The following MTG1 variants were observed in gnomAD, a reference collection of about 807,000 sequenced individuals.
MTG1 encodes the protein mitochondrial ribosome-associated GTPase 1.
In MTG1, 30 loss-of-function variants were observed where a neutral mutation model predicts 39.5. The ratio of observed to expected loss-of-function variants is 0.76; its 90% CI spans 0.57 to 1.03. The LOEUF (loss-of-function observed/expected upper bound fraction) is 1.03, where lower values mean the gene tolerates loss of function less well. Ranked by LOEUF, MTG1 falls within the 50% of genes least tolerant of loss-of-function variation. The probability of loss-of-function intolerance (pLI) is 0.00; values close to 1 mark genes in which losing one functional copy is unlikely to be tolerated. For missense variants in MTG1, 513 were observed against 447.4 expected, an observed-to-expected ratio of 1.15 and a Z score of -1.32; for synonymous variants, 217 against 179.0, an observed-to-expected ratio of 1.21 and a Z score of -1.69.
chr10:133,417,956 A>G (rs1299939167), intron 9 of MTG1, among the ~76,000 whole-genome samples: 16 of 152,204 alleles, frequency 1.1e-4, no homozygotes, highest in Admixed American at 8.5e-4. Flanking sequence ...TGCCCAAGGT[A>G]ATTTATAGAT....
At chr10:133,400,396 T>G (rs1849858389) in intron 6 of MTG1, among the ~76,000 whole-genome samples, 1 of 152,188 alleles carries the variant, frequency 6.6e-6, no homozygotes, top group South Asian at 2.1e-4. Context: ...AGACTCTGAT[T>G]CAAAGCAGGA....
Position 133,399,229 on chromosome 10 carries a change from T to C in MTG1, c.420+3T>C. On this transcript the variant is annotated splice_donor_region_variant and intron_variant, in intron 5 of 10. Coordinates refer to ENST00000317502, the MANE Select transcript of MTG1 (RefSeq NM_138384.4). Reference sequence around the variant, plus strand: ...GCCACCGCTACCACCGAAAAGAGGTTGGTTGGTGGGGCCCAGAGCTGGGAG... The same window carrying C: ...GCCACCGCTACCACCGAAAAGAGGTCGGTTGGTGGGGCCCAGAGCTGGGAG... 6.2e-7 allele frequency: 1 copy of C among 1,613,514 alleles called. No homozygotes were observed. The highest frequency in any genetic ancestry group is 8.5e-7 in the Non-Finnish European group (1 of 1,179,816).
At chr10:133,403,394 T>C (rs183063756) in intron 9 of MTG1, among the ~76,000 whole-genome samples, 737 of 96,044 alleles carry the variant, frequency 7.7e-3, no homozygotes, top group Middle Eastern at 0.074. Context: ...ATCAAGGAAA[T>C]GAGCGTTCCC....
rs1255716418 is a variant in MTG1, at chr10:133,421,601, C to T, written c.*1436C>T. ...GAAGGGGTGGAGGAGCGTCTGGGCT[C>T]ACTGGGCCAGGGGCATTGCTGGCAG... On this transcript the variant is annotated 3_prime_UTR_variant, in exon 11 of 11. Transcript: ENST00000317502. The T allele has an allele frequency of 6.5e-6, 1 of 153,714 alleles. No individual in the cohort carries two copies. Among genetic ancestry groups the T allele is most frequent in the East Asian group, 1.9e-4 (1 of 5,218 alleles). The allele number at this position is 153,714 out of a possible 1,614,324, so 9.5% of individuals were successfully genotyped here.
At chr10:133,404,570 T>G (rs1275883539) in intron 9 of MTG1, among the ~76,000 whole-genome samples, 6 of 152,200 alleles carry the variant, frequency 3.9e-5, no homozygotes, top group African/African-American at 1.4e-4. Context: ...TGCAGTCCAG[T>G]TTATCAGCTA....
At chr10:133,401,497 C>A in intron 6 of MTG1, 32 bp from the exon 7 acceptor site, 2 of 1,535,022 alleles carry the variant, frequency 1.3e-6, no homozygotes, top group Middle Eastern at 1.8e-4. Context: ...GTTTAGTATA[C>A]ATTTGAGCCT....
intron 9 of MTG1, among the ~76,000 whole-genome samples, chr10:133,413,623 T>C (rs1024412982): frequency 2.0e-5 from 3 of 152,220 alleles, no homozygotes; most frequent in African/African-American, 7.2e-5. Context: ...ACGATTCTAC[T>C]GTATCTTCTT....
chr10:133,418,154 C>T (rs961380113), intron 9 of MTG1, among the ~76,000 whole-genome samples: 3 of 152,214 alleles, frequency 2.0e-5, no homozygotes, highest in South Asian at 2.1e-4. Flanking sequence ...CAAGCATGTG[C>T]CACCACACCT....
At chr10:133,419,958 AGGTGGGTAAGGGCTGG>A (rs1850202454) in intron 10 of MTG1, 52 bp from the exon 11 acceptor site, 4 of 1,523,194 alleles carry the variant, frequency 2.6e-6, no homozygotes, top group Admixed American at 2.0e-5. Flanking sequence ...CTGGTCCCTC[AGGTGGGTAAGGGCTGG>A]GCCTGTCCTG....
chr10:133,402,518 T>C lies in MTG1; in HGVS notation c.671-174T>C, dbSNP rs1338707939. ...GTTGGTCGCAGGTGCCAGGCAGGAGTGGGGGCCGGGACCACAGCCGAGTGC... is the reference window on the plus strand; with the variant it reads ...GTTGGTCGCAGGTGCCAGGCAGGAGCGGGGGCCGGGACCACAGCCGAGTGC... On this transcript the variant is annotated intron_variant, in intron 8 of 10. Transcript: ENST00000317502. This position sits in a 1 kb window ranked among gnomAD's most constrained non-coding sequence, Gnocchi z 4.7. The C allele has an allele frequency of 4.2e-6, 3 of 708,212 alleles. No individual in the cohort carries two copies. The highest frequency in any genetic ancestry group is 7.0e-6 in the Non-Finnish European group (3 of 426,404). The allele number at this position is 708,212 out of a possible 1,614,324, so 43.9% of individuals were successfully genotyped here. A position where few individuals can be genotyped will look rare whatever the true frequency, so the allele number is the denominator to read the frequency against.
chr10:133,414,062 ACCTT>A (rs1239889218), intron 9 of MTG1, among the ~76,000 whole-genome samples: 1 of 146,036 alleles, frequency 6.8e-6, no homozygotes, highest in East Asian at 2.0e-4. Context: ...GGACCCTGCG[ACCTT>A]CCGCAGTGTT....
intron 9 of MTG1, among the ~76,000 whole-genome samples, chr10:133,418,009 C>A (rs111737032): frequency 6.6e-6 from 1 of 151,842 alleles, no homozygotes; most frequent in Admixed American, 6.6e-5. Context: ...TTCTTTTTTT[C>A]TTTTTTTTGA....
chr10:133,405,930 G>A (rs1849963895), intron 9 of MTG1, among the ~76,000 whole-genome samples: 2 of 152,184 alleles, frequency 1.3e-5, no homozygotes, highest in Admixed American at 6.5e-5. Context: ...CATAGTAGCT[G>A]TACTAACTTA....
rs545371227 is a variant in MTG1, at chr10:133,398,562, T to C, written c.363+47T>C. On this transcript the variant is annotated intron_variant, in intron 4 of 10. Coordinates refer to ENST00000317502, the MANE Select transcript of MTG1 (RefSeq NM_138384.4). The stretch of plus-strand genomic sequence containing the variant: ...TCTCTGACGCTTCTGCTTCAGTAGG[T>C]TCGAGGAGCATTATAAACTGTTTTA... The C allele has an allele frequency of 5.7e-6, 9 of 1,568,510 alleles. No individual in the cohort carries two copies. In the East Asian group the frequency reaches 1.3e-4, roughly 23 times the overall value.
chr10:133,415,011 C>T (rs1042593976), intron 9 of MTG1, among the ~76,000 whole-genome samples: 13 of 152,220 alleles, frequency 8.5e-5, no homozygotes, highest in African/African-American at 2.7e-4. Flanking sequence ...CAAAAAAATA[C>T]GAAAACCAGT....
intron 9 of MTG1, among the ~76,000 whole-genome samples, chr10:133,411,789 AT>A (rs983611926): frequency 7.2e-4 from 101 of 140,326 alleles, no homozygotes; most frequent in East Asian, 1.3e-3. Flanking sequence ...TTTCTGTTTG[AT>A]TTTTTTTTTT....
chr10:133,402,614 T>C lies in MTG1; in HGVS notation c.671-78T>C. ...CGGCACGGTGTCTTTGGGCTAGGAC[T>C]GGAAGGGATGTGTTTGAACTTGGCA... On this transcript the variant is annotated intron_variant, in intron 8 of 10. Coordinates refer to ENST00000317502, the MANE Select transcript of MTG1 (RefSeq NM_138384.4). The surrounding 1 kb of genome is among the most constrained non-coding windows in gnomAD (Gnocchi z 4.7). 7.6e-7 allele frequency: 1 copy of C among 1,309,944 alleles called. No homozygotes were observed. Among genetic ancestry groups the C allele is most frequent in the South Asian group, 1.3e-5 (1 of 76,884 alleles). The allele number at this position is 1,309,944 out of a possible 1,614,324, so 81.1% of individuals were successfully genotyped here. A position where few individuals can be genotyped will look rare whatever the true frequency, so the allele number is the denominator to read the frequency against.
At chr10:133,415,616 T>C (rs1025754706) in intron 9 of MTG1, among the ~76,000 whole-genome samples, 3 of 152,258 alleles carry the variant, frequency 2.0e-5, no homozygotes, top group Non-Finnish European at 4.4e-5. Context: ...GTGTGTTTGT[T>C]CCTCTGCTGC....
intron 9 of MTG1, among the ~76,000 whole-genome samples, chr10:133,417,952 A>C (rs904904457): frequency 1.6e-4 from 24 of 152,360 alleles, no homozygotes; most frequent in Non-Finnish European, 2.9e-4. Flanking sequence ...ATACTGCCCA[A>C]GGTAATTTAT....
Sources: allele counts gnomAD v4.1 joint callset (sites outside exome capture counted in the v4.1 genomes callset), GRCh38; gene constraint gnomAD v4.1.1; non-coding constraint Gnocchi (gnomAD v3.1); transcripts MANE v1.5; gene names NCBI Gene and HGNC (gene_info 2026-07-23, HGNC 2026-07-21).